The following CCND3 variants were observed in gnomAD, a reference collection of about 807,000 sequenced individuals.
CCND3 encodes the protein G1/S-specific cyclin-D3.
In CCND3, 9 loss-of-function variants were observed where a neutral mutation model predicts 28.7. The observed-to-expected ratio is 0.31, with a 90% CI of 0.19 to 0.55. CCND3 has a LOEUF of 0.55. CCND3 is among the 20% of genes least tolerant of loss of function. The probability of loss-of-function intolerance (pLI) is 0.93; values close to 1 mark genes in which losing one functional copy is unlikely to be tolerated. For synonymous variants in CCND3, 164 were observed against 163.9 expected (o/e 1.00, Z 0.00); for missense variants, 315 against 385.8 (o/e 0.82, Z 1.54).
intron 1 of CCND3, among the ~76,000 whole-genome samples, chr6:41,949,091 G>A (rs1469216715): frequency 6.6e-6 from 1 of 152,190 alleles, no homozygotes; most frequent in Non-Finnish European, 1.5e-5. Flanking sequence ...GCTCACGCCT[G>A]CAATCCCTGC....
chr6:42,016,421 T>G (rs1442541829), intron 1 of CCND3, among the ~76,000 whole-genome samples: 1 of 152,060 alleles, frequency 6.6e-6, no homozygotes, highest in Non-Finnish European at 1.5e-5. Context: ...ATAATTCAAG[T>G]TTACTAATAT....
At chr6:41,965,534 C>T (rs977375079) in intron 1 of CCND3, among the ~76,000 whole-genome samples, 10 of 152,088 alleles carry the variant, frequency 6.6e-5, no homozygotes, top group Non-Finnish European at 1.0e-4. Context: ...GCAGCTGTGC[C>T]CCGAAGTGGA....
intron 1 of CCND3, among the ~76,000 whole-genome samples, chr6:42,025,351 T>C (rs1763844539): frequency 6.6e-6 from 1 of 152,152 alleles, no homozygotes; most frequent in South Asian, 2.1e-4. Context: ...GATTTCCAAT[T>C]GCCACGCCAC....
chr6:42,033,465 T>C (rs1241353879), intron 1 of CCND3, among the ~76,000 whole-genome samples: 2 of 119,160 alleles, frequency 1.7e-5, no homozygotes, highest in Admixed American at 1.9e-4. Context: ...AAAATATATA[T>C]ATATGTGTAT....
Position 42,048,758 on chromosome 6 carries a change from A to G in CCND3, c.-303T>C, listed in dbSNP as rs114882621. ...GGGGAAGAGGGGGCGGAGGAGACAA[A>G]GGGGCTGGTGCTCTGCTCAGCCAAG... On this transcript the variant is annotated 5_prime_UTR_variant, in exon 1 of 5. Transcript: ENST00000372988. The surrounding 1 kb of genome is among the most constrained non-coding windows in gnomAD (Gnocchi z 4.7). 6.9e-3 allele frequency: 3,286 copies of G among 474,022 alleles called. 85 individuals are homozygous for G. The highest frequency in any genetic ancestry group is 0.059 in the African/African-American group (3,012 of 50,740). The allele number at this position is 474,022 out of a possible 1,614,324, so 29.4% of individuals were successfully genotyped here.
intron 1 of CCND3, among the ~76,000 whole-genome samples, chr6:42,042,006 G>T (rs998294187): frequency 2.0e-5 from 3 of 152,198 alleles, no homozygotes; most frequent in African/African-American, 7.2e-5. Context: ...AAGAGGGAGG[G>T]TGAGTTGGAG....
intron 1 of CCND3, among the ~76,000 whole-genome samples, chr6:42,015,747 CAAAT>C (rs1267840005): frequency 2.6e-5 from 4 of 151,492 alleles, no homozygotes; most frequent in African/African-American, 4.9e-5. Flanking sequence ...TTTAAATTGA[CAAAT>C]AAAAATTGTA....
chr6:42,021,872 C>T (rs148588414), intron 1 of CCND3, among the ~76,000 whole-genome samples: 141 of 152,262 alleles, frequency 9.3e-4, no homozygotes, highest in African/African-American at 3.1e-3. Context: ...TTTTGCAGGC[C>T]TTGGGAAGCC....
Position 41,980,200 on chromosome 6 carries a change from A to G in CCND3, c.-45-39615T>C, listed in dbSNP as rs184517459. Among the ~76,000 whole-genome samples the G allele has an allele frequency of 3.0e-3, 448 of 151,394 alleles. 2 individuals are homozygous for G. Among genetic ancestry groups the G allele is most frequent in the African/African-American group, 0.01 (428 of 41,242 alleles). ...GCTCAGACTGGAGTGCAGTGGCACA[A>G]TCTTGGCTCGCTGCAACCTCTGCCT... is the stretch of plus-strand genomic sequence containing the variant. On this transcript the variant is annotated intron_variant, in intron 1 of 4. Coordinates refer to the CCND3 transcript ENST00000372988.
At chr6:42,009,632 A>AAACAG (rs1375701317) in intron 1 of CCND3, among the ~76,000 whole-genome samples, 1 of 151,310 alleles carries the variant, frequency 6.6e-6, no homozygotes, top group Non-Finnish European at 1.5e-5. Flanking sequence ...AAACAAAACA[A>AAACAG]AACAAAACAA....
intron 1 of CCND3, among the ~76,000 whole-genome samples, chr6:42,019,283 T>A (rs1158287901): frequency 6.6e-6 from 1 of 151,426 alleles, no homozygotes; most frequent in African/African-American, 2.4e-5. Flanking sequence ...AGGTGAGGAG[T>A]TCGAGACCAG....
At chr6:42,003,206 A>G (rs1180435532) in intron 1 of CCND3, among the ~76,000 whole-genome samples, 1 of 94,548 alleles carries the variant, frequency 1.1e-5, no homozygotes, top group African/African-American at 4.2e-5. Context: ...TAAACCAAGC[A>G]CAGAACTTAT....
rs143483507 is a variant in CCND3, at chr6:41,994,340, C to T, written c.-45-53755G>A. Among the ~76,000 whole-genome samples, 24 of 152,112 alleles carry T rather than the reference C, an allele frequency of 1.6e-4. 1 individual carries two copies. The East Asian group carries it at 3.5e-3, about 22-fold the overall frequency. On this transcript the variant is annotated intron_variant, in intron 1 of 4. Transcript: ENST00000372988. ...CTCGATGATGTTCACACAATGACAA[C>T]ATCACCTGACAACTCGTTTATCAGA...
intron 1 of CCND3, among the ~76,000 whole-genome samples, chr6:41,979,285 G>A (rs935216307): frequency 1.3e-5 from 2 of 151,518 alleles, no homozygotes; most frequent in Non-Finnish European, 2.9e-5. Flanking sequence ...TGTAATCCCA[G>A]CACTTTGGGA....
intron 1 of CCND3, among the ~76,000 whole-genome samples, chr6:42,015,048 C>G (rs1763458079): frequency 6.6e-6 from 1 of 152,178 alleles, no homozygotes; most frequent in Admixed American, 6.5e-5. Context: ...TGTACATGCA[C>G]AAACACACAC....
At chr6:41,948,581 G>A (rs907278545) in intron 1 of CCND3, among the ~76,000 whole-genome samples, 3 of 152,090 alleles carry the variant, frequency 2.0e-5, no homozygotes, top group Non-Finnish European at 4.4e-5. Context: ...GCTCACGCCT[G>A]TAATCCCAGC....
At chr6:42,040,578 GCA>G (rs1188788335) in intron 1 of CCND3, among the ~76,000 whole-genome samples, 1 of 151,610 alleles carries the variant, frequency 6.6e-6, no homozygotes, top group Non-Finnish European at 1.5e-5. Flanking sequence ...CCTCGGCCAG[GCA>G]CAGTGTCTCA....
At chr6:42,013,655 A>C (rs1474324668) in intron 1 of CCND3, among the ~76,000 whole-genome samples, 1 of 152,164 alleles carries the variant, frequency 6.6e-6, no homozygotes, top group Non-Finnish European at 1.5e-5. Flanking sequence ...CTTCAGAATA[A>C]ACTTTGTTCT....
chr6:42,015,135 G>A (rs1179300804), intron 1 of CCND3, among the ~76,000 whole-genome samples: 2 of 152,144 alleles, frequency 1.3e-5, no homozygotes, highest in African/African-American at 4.8e-5. Flanking sequence ...GCTCAAAGAG[G>A]TTAAAAGAAC....
Sources: allele counts gnomAD v4.1 joint callset (sites outside exome capture counted in the v4.1 genomes callset), GRCh38; gene constraint gnomAD v4.1.1; non-coding constraint Gnocchi (gnomAD v3.1); transcripts MANE v1.5; gene names NCBI Gene and HGNC (gene_info 2026-07-23, HGNC 2026-07-21).